The following KCND2 variants were observed in gnomAD, a reference collection of about 807,000 sequenced individuals.
KCND2 encodes the protein potassium voltage-gated channel subfamily D member 2.
KCND2 carries 16 observed loss-of-function variants against 54.4 expected under a neutral mutation model. The ratio of observed to expected loss-of-function variants is 0.29; its 90% CI spans 0.20 to 0.45. The LOEUF is 0.45. Ranked by LOEUF, KCND2 falls within the 20% of genes least tolerant of loss-of-function variation. The pLI is 1.00. For missense variants in KCND2, 486 were observed against 824.2 expected (o/e 0.59, Z 5.02); for synonymous variants, 317 against 310.7 (o/e 1.02, Z -0.21).
intron 1 of KCND2, among the ~76,000 whole-genome samples, chr7:120,697,759 C>T (rs1363670409): frequency 6.6e-6 from 1 of 152,086 alleles, no homozygotes; most frequent in Non-Finnish European, 1.5e-5. Context: ...AGCACCACGC[C>T]ACTGAACAAT....
intron 1 of KCND2, among the ~76,000 whole-genome samples, chr7:120,690,302 A>G (rs1306097163): frequency 6.6e-6 from 1 of 152,232 alleles, no homozygotes; most frequent in Non-Finnish European, 1.5e-5. Context: ...AAATAAAGAC[A>G]TACATACATA....
chr7:120,725,990 C>T (rs944283630), intron 1 of KCND2, among the ~76,000 whole-genome samples: 3 of 151,996 alleles, frequency 2.0e-5, no homozygotes, highest in Non-Finnish European at 4.4e-5. Flanking sequence ...ATTTAGTGGG[C>T]GCTAATTAAG....
At chr7:120,733,155 G>A in intron 2 of KCND2, 90 bp downstream of exon 2, 2 of 1,334,634 alleles carry the variant, frequency 1.5e-6, no homozygotes, top group Admixed American at 1.8e-5. Context: ...TCAGTGCTCT[G>A]GATTGGTCAG....
At chr7:120,573,290 A>G (rs1792388142) in intron 1 of KCND2, among the ~76,000 whole-genome samples, 1 of 152,204 alleles carries the variant, frequency 6.6e-6, no homozygotes, top group South Asian at 2.1e-4. Flanking sequence ...ACAGACATTA[A>G]CAATCAGATT....
chr7:120,504,436 G>GA (rs1364380136), intron 1 of KCND2, among the ~76,000 whole-genome samples: 4 of 151,400 alleles, frequency 2.6e-5, no homozygotes, highest in Non-Finnish European at 5.9e-5. Context: ...ATCATTCATT[G>GA]AAAAAAAGCC....
chr7:120,408,795 T>C (rs556360024), intron 1 of KCND2, among the ~76,000 whole-genome samples: 178 of 152,022 alleles, frequency 1.2e-3, no homozygotes, highest in African/African-American at 4.1e-3. Context: ...CTTGACATTA[T>C]TATATAGATT....
chr7:120,440,063 G>A (rs1801926316), intron 1 of KCND2, among the ~76,000 whole-genome samples: 1 of 151,920 alleles, frequency 6.6e-6, no homozygotes, highest in Non-Finnish European at 1.5e-5. Context: ...AATTTTTTGA[G>A]AAACCTCCAT....
At chr7:120,643,817 T>C (rs935362521) in intron 1 of KCND2, among the ~76,000 whole-genome samples, 1 of 151,590 alleles carries the variant, frequency 6.6e-6, no homozygotes, top group Non-Finnish European at 1.5e-5. Context: ...AATTGCTACT[T>C]ACTCTCAAAA....
At chr7:120,279,277 GGTTATTATTAT>G (rs1799226731) in intron 1 of KCND2, among the ~76,000 whole-genome samples, 1 of 151,472 alleles carries the variant, frequency 6.6e-6, no homozygotes, top group African/African-American at 2.4e-5. Context: ...ATAATTGAAG[GGTTATTATTAT>G]GTTAAGTAAT....
At chr7:120,733,600 T>G (rs1792833636) in intron 2 of KCND2, among the ~76,000 whole-genome samples, 1 of 152,030 alleles carries the variant, frequency 6.6e-6, no homozygotes, top group African/African-American at 2.4e-5. Flanking sequence ...ATTCATTGAG[T>G]CTCTATCTAT....
intron 1 of KCND2, among the ~76,000 whole-genome samples, chr7:120,452,215 T>C (rs1802123874): frequency 1.3e-5 from 2 of 152,224 alleles, no homozygotes; most frequent in Admixed American, 1.3e-4. Flanking sequence ...TCTGGATTCA[T>C]GTTCTGGTTC....
At chr7:120,702,325 C>G (rs1792412817) in intron 1 of KCND2, among the ~76,000 whole-genome samples, 1 of 152,082 alleles carries the variant, frequency 6.6e-6, no homozygotes, top group Admixed American at 6.6e-5. Flanking sequence ...AAAAGGAATG[C>G]TTATATGCAG....
At chr7:120,613,947 C>T (rs1472318149) in intron 1 of KCND2, among the ~76,000 whole-genome samples, 1 of 151,730 alleles carries the variant, frequency 6.6e-6, no homozygotes, top group Non-Finnish European at 1.5e-5. Context: ...TTGAAGTCTA[C>T]AAATTATTTA....
At chr7:120,681,140 G>A (rs1031246213) in intron 1 of KCND2, among the ~76,000 whole-genome samples, 1 of 152,026 alleles carries the variant, frequency 6.6e-6, no homozygotes, top group African/African-American at 2.4e-5. Context: ...ACTAGCATTT[G>A]GCTGGGATGC....
chr7:120,598,217 T>G (rs185704867), intron 1 of KCND2, among the ~76,000 whole-genome samples: 40 of 152,290 alleles, frequency 2.6e-4, no homozygotes, highest in Admixed American at 5.2e-4. Flanking sequence ...ATATCATTTA[T>G]TTTTGTGTAA....
At chr7:120,276,859 G>A (rs1028555595) in intron 1 of KCND2, among the ~76,000 whole-genome samples, 10 of 152,062 alleles carry the variant, frequency 6.6e-5, no homozygotes, top group Non-Finnish European at 8.8e-5. Context: ...TAGATAAGCT[G>A]GGGAGTGATG....
rs1054015222 is a variant in KCND2 at position 120,588,035 on chromosome 7, C to A, written c.1116-144868C>A. Among the ~76,000 whole-genome samples, 4 of 152,134 alleles carry A rather than the reference C, an allele frequency of 2.6e-5. No individual in the cohort carries two copies. The South Asian group carries it at 8.3e-4, about 31-fold the overall frequency. On this transcript the variant is annotated intron_variant, in intron 1 of 5. Transcript: ENST00000331113. ...AATGTCAGTCAGTGAAAGGAACTCT[C>A]TTCACCCAGTAAATGACAAAACTAC... is the stretch of plus-strand genomic sequence containing the variant.
Position 120,745,890 on chromosome 7 carries a change from C to G in KCND2, c.1578C>G (p.Thr526=). ...SPSLSSQQGV[T]STCCSRRHKK... ...CACTGTCTTCACAACAAGGAGTCAC[C>G]AGCACCTGCTGTTCACGACGACACA... is the stretch of plus-strand genomic sequence containing the variant. The change falls in exon 5 of 6, where the codon ACC becomes ACG. Residue 526 remains threonine (T), a synonymous_variant. Transcript: ENST00000331113. 1 of 1,613,898 alleles carries G rather than the reference C, an allele frequency of 6.2e-7. No homozygotes were observed. The highest frequency in any genetic ancestry group is 8.5e-7 in the Non-Finnish European group (1 of 1,179,858).
intron 1 of KCND2, among the ~76,000 whole-genome samples, chr7:120,366,498 AAAGG>A (rs1286470350): frequency 6.6e-6 from 1 of 151,092 alleles, no homozygotes; most frequent in Non-Finnish European, 1.5e-5. Flanking sequence ...AAAAAAAAAA[AAAGG>A]GAGGGAGGGA....
Sources: gnomAD v4.1 joint callset for allele counts (sites outside exome capture counted in the v4.1 genomes callset) on GRCh38, gnomAD v4.1.1 for gene constraint, MANE v1.5 for transcripts, NCBI Gene and HGNC (gene_info 2026-07-23, HGNC 2026-07-21) for gene names.